Variants in BEND5 observed in about 807,000 individuals in gnomAD.
BEND5 encodes the protein BEN domain-containing protein 5.
BEND5 carries 22 observed loss-of-function variants against 43.9 expected under a neutral mutation model. That is an observed-to-expected ratio of 0.50 (90% CI 0.36 to 0.72). The LOEUF is 0.72. BEND5 is among the 30% of genes least tolerant of loss of function. The pLI is 0.00. For missense variants in BEND5, 428 were observed against 550.6 expected, an observed-to-expected ratio of 0.78 and a Z score of 2.23; for synonymous variants, 228 against 225.9, an observed-to-expected ratio of 1.01 and a Z score of -0.08.
chr1:48,738,329 T>C (rs1280368552), intron 4 of BEND5, among the ~76,000 whole-genome samples: 1 of 152,214 alleles, frequency 6.6e-6, no homozygotes, highest in Non-Finnish European at 1.5e-5. Flanking sequence ...CCACCTGGCC[T>C]CTCTGTGCTG....
chr1:48,734,745 C>T (rs1439480347), intron 5 of BEND5, among the ~76,000 whole-genome samples: 1 of 152,260 alleles, frequency 6.6e-6, no homozygotes, highest in East Asian at 1.9e-4. Context: ...CCTTCTCCAA[C>T]TACCCCAGTG....
At chr1:48,774,687 C>CT (rs1171050634) in intron 1 of BEND5, among the ~76,000 whole-genome samples, 2 of 152,228 alleles carry the variant, frequency 1.3e-5, no homozygotes, top group African/African-American at 4.8e-5. Context: ...AAACCAACAG[C>CT]TACATGTATC....
At chr1:48,755,160 C>T (rs1402385718) in intron 3 of BEND5, among the ~76,000 whole-genome samples, 5 of 152,190 alleles carry the variant, frequency 3.3e-5, no homozygotes, top group Non-Finnish European at 7.3e-5. Flanking sequence ...GTGGCTCCAC[C>T]TTTCTGACCC....
intron 5 of BEND5, among the ~76,000 whole-genome samples, chr1:48,733,494 GA>G (rs1270109836): frequency 6.6e-6 from 1 of 152,118 alleles, no homozygotes; most frequent in East Asian, 1.9e-4. Flanking sequence ...ATCATATTTG[GA>G]AAAAGTAAAA....
rs1022652468 is a variant in BEND5, at chr1:48,736,521, T to C, written c.895-69A>G. ...GGGCAGTGGGAGGCTTCTCTTGTCC[T>C]TTAAAAAGCATTGCTGCACAACTGT... On this transcript the variant is annotated intron_variant, in intron 4 of 5. Coordinates refer to ENST00000371833, the MANE Select transcript of BEND5 (RefSeq NM_024603.4). The surrounding 1 kb of genome is among the most constrained non-coding windows in gnomAD (Gnocchi z 4.0). The C allele has an allele frequency of 7.5e-7, 1 of 1,331,992 alleles. No homozygotes were observed. Among genetic ancestry groups the C allele is most frequent in the Non-Finnish European group, 1.1e-6 (1 of 936,638 alleles). 82.5% of individuals were successfully genotyped at this position (1,331,992 alleles called of 1,614,324 possible). A position where few individuals can be genotyped will look rare whatever the true frequency, so the allele number is the denominator to read the frequency against.
intron 1 of BEND5, among the ~76,000 whole-genome samples, chr1:48,769,018 G>A (rs1037292368): frequency 6.6e-6 from 1 of 152,134 alleles, no homozygotes; most frequent in Admixed American, 6.5e-5. Context: ...ACACCAAATC[G>A]AGGCCTGCCT....
chr1:48,736,485 G>A lies in BEND5; in HGVS notation c.895-33C>T, dbSNP rs749569725. ...GAATAAGAACACCAGCACCTGTTTAGTCCGACAGGAGGGCAGTGGGAGGCT... is the reference window on the plus strand; with the variant it reads ...GAATAAGAACACCAGCACCTGTTTAATCCGACAGGAGGGCAGTGGGAGGCT... On this transcript the variant is annotated intron_variant, in intron 4 of 5. Coordinates refer to ENST00000371833, the MANE Select transcript of BEND5 (RefSeq NM_024603.4). This position sits in a 1 kb window ranked among gnomAD's most constrained non-coding sequence, Gnocchi z 4.0. The A allele has an allele frequency of 6.3e-7, 1 of 1,590,736 alleles. No homozygotes were observed. The highest frequency in any genetic ancestry group is 8.6e-7 in the Non-Finnish European group (1 of 1,159,702).
intron 4 of BEND5, among the ~76,000 whole-genome samples, 158 bp downstream of exon 4, chr1:48,742,465 C>T (rs1286462478): frequency 1.3e-5 from 2 of 152,168 alleles, no homozygotes; most frequent in South Asian, 2.1e-4. Context: ...AGCAAAGCTA[C>T]GCTACTGATA....
At chr1:48,762,656 G>GTGTATGTA (rs1553227963) in intron 1 of BEND5, among the ~76,000 whole-genome samples, 7 of 138,738 alleles carry the variant, frequency 5.0e-5, no homozygotes, top group Non-Finnish European at 9.5e-5. Flanking sequence ...GTGTGTGTGT[G>GTGTATGTA]TGTATGTATT....
At chr1:48,764,212 T>C (rs1361745083) in intron 1 of BEND5, among the ~76,000 whole-genome samples, 1 of 152,254 alleles carries the variant, frequency 6.6e-6, no homozygotes, top group Non-Finnish European at 1.5e-5. Context: ...GGAAGGCTTT[T>C]GAAAGGAGGT....
intron 5 of BEND5, among the ~76,000 whole-genome samples, chr1:48,735,860 T>C (rs776504318): frequency 6.6e-6 from 1 of 152,020 alleles, no homozygotes; most frequent in Non-Finnish European, 1.5e-5. Context: ...GAGCAATACC[T>C]CACCATACAC....
In BEND5 at chr1:48,736,838, A is replaced by C. The variant is rs1386214766; in HGVS notation, c.895-386T>G. On this transcript the variant is annotated intron_variant, in intron 4 of 5. Transcript: ENST00000371833. This position sits in a 1 kb window ranked among gnomAD's most constrained non-coding sequence, Gnocchi z 4.0. ...TCACAAGGCTGCTCAGAGCCTTACC[A>C]AATCTCAGGACACCCATGCTTAACT... Among the ~76,000 whole-genome samples, 1 of 152,220 alleles carries C rather than the reference A, an allele frequency of 6.6e-6. No homozygotes were observed. The highest frequency in any genetic ancestry group is 6.5e-5 in the Admixed American group (1 of 15,280).
chr1:48,728,562 C>A (rs947822133), intron 5 of BEND5, among the ~76,000 whole-genome samples: 1 of 148,908 alleles, frequency 6.7e-6, no homozygotes, highest in African/African-American at 2.5e-5. Context: ...TTCATTTTCA[C>A]TGATGAGTAG....
chr1:48,729,536 A>C (rs967442520), intron 5 of BEND5, among the ~76,000 whole-genome samples: 1 of 152,208 alleles, frequency 6.6e-6, no homozygotes. Flanking sequence ...TCAGAGATGC[A>C]GAATATCAAC....
rs1235734178 is a variant in BEND5 at position 48,763,494 on chromosome 1, G to GA, written c.227-2025dup. Reference sequence around the variant, plus strand: ...TTTGTGTGTGTGTATGTGTGTGTGTGAAAAAAACAGACAAAAAGAGAGAAA... The same window carrying GA: ...TTTGTGTGTGTGTATGTGTGTGTGTGAAAAAAAACAGACAAAAAGAGAGAAA... On this transcript the variant is annotated intron_variant, in intron 1 of 5. Coordinates refer to ENST00000371833, the MANE Select transcript of BEND5 (RefSeq NM_024603.4). Among the ~76,000 whole-genome samples the GA allele has an allele frequency of 3.3e-5, 5 of 152,140 alleles. No homozygotes were observed. In the South Asian group the frequency reaches 8.3e-4, roughly 25 times the overall value.
At chr1:48,737,601 G>T (rs758787697) in intron 4 of BEND5, among the ~76,000 whole-genome samples, 1 of 152,026 alleles carries the variant, frequency 6.6e-6, no homozygotes, top group Non-Finnish European at 1.5e-5. Context: ...TGATTCCGAC[G>T]GCACAAAGAA....
chr1:48,761,209 G>A, intron 2 of BEND5, 128 bp downstream of exon 2: 16 of 1,085,644 alleles, frequency 1.5e-5, no homozygotes, highest in South Asian at 5.2e-5. Context: ...TCACTACCCT[G>A]AAAAAATCAT....
Position 48,742,165 on chromosome 1 carries a change from A to C in BEND5, c.894+458T>G, listed in dbSNP as rs75559566. 1.6e-4 allele frequency among the ~76,000 whole-genome samples: 24 copies of C among 152,322 alleles called. No homozygotes were observed. In the East Asian group the frequency reaches 4.4e-3, roughly 28 times the overall value. Reference sequence around the variant, plus strand: ...GTTCTTCCCTGTATTCCTGTTATCTAGCACAGGGCTTAGAACATACAGATA... The same window carrying C: ...GTTCTTCCCTGTATTCCTGTTATCTCGCACAGGGCTTAGAACATACAGATA... On this transcript the variant is annotated intron_variant, in intron 4 of 5. Transcript: ENST00000371833.
rs527961194 is a variant in BEND5 at position 48,742,605 on chromosome 1, T to C, written c.894+18A>G. ...AACAAACACTTGCAGGGAATGGATATTGAGCTTAAAACACTACCTTGCCAT... is the reference window on the plus strand; with the variant it reads ...AACAAACACTTGCAGGGAATGGATACTGAGCTTAAAACACTACCTTGCCAT... On this transcript the variant is annotated intron_variant, in intron 4 of 5. Coordinates refer to ENST00000371833, the MANE Select transcript of BEND5 (RefSeq NM_024603.4). 1.3e-6 allele frequency: 2 copies of C among 1,522,494 alleles called. No individual in the cohort carries two copies. The highest frequency in any genetic ancestry group is 2.0e-5 in the Admixed American group (1 of 49,894). The allele number at this position is 1,522,494 out of a possible 1,614,324, so 94.3% of individuals were successfully genotyped here.
Sources: allele counts gnomAD v4.1 joint callset (sites outside exome capture counted in the v4.1 genomes callset), GRCh38; gene constraint gnomAD v4.1.1; non-coding constraint Gnocchi (gnomAD v3.1); transcripts MANE v1.5; gene names NCBI Gene and HGNC (gene_info 2026-07-23, HGNC 2026-07-21).